The following SPG7 variants were observed in gnomAD, a reference collection of about 807,000 sequenced individuals.
SPG7 encodes the protein mitochondrial inner membrane m-AAA protease component paraplegin.
Under a neutral mutation model 81.9 loss-of-function variants are expected in SPG7, and 103 were observed. The ratio of observed to expected loss-of-function variants is 1.26; its 90% confidence interval spans 1.07 to 1.48. The LOEUF is 1.48. Among genes scored for constraint, SPG7 ranks in the 40% most tolerant of loss-of-function variants. The pLI is 0.00. For missense variants in SPG7, 1,241 were observed against 1,087.3 expected, an observed-to-expected ratio of 1.14 and a Z score of -1.99; for synonymous variants, 534 against 444.2, an observed-to-expected ratio of 1.20 and a Z score of -2.54.
Position 89,513,019 on chromosome 16 carries a change from G to T in SPG7, c.358G>T (p.Ala120Ser), listed in dbSNP as rs371969398. Residue 120 changes from alanine to serine, a missense_variant, in exon 3 of 17, where the codon GCG becomes TCG. Coordinates refer to ENST00000645818, the MANE Select transcript of SPG7 (RefSeq NM_003119.4). The part of the protein sequence containing the change: ...NKEKDKSKGK[A>S]PEEDEEERRR... ...GGAGAAGGATAAGTCGAAGGGGAAG[G>T]CGCCTGAAGAGGACGAAGGTATATT... The T allele has an allele frequency of 3.7e-6, 6 of 1,612,252 alleles. No homozygotes were observed. Among genetic ancestry groups the T allele is most frequent in the Non-Finnish European group, 8.5e-7 (1 of 1,178,924 alleles).
intron 7 of SPG7, 160 bp from the exon 8 acceptor site, chr16:89,531,744 G>C (rs540999467): frequency 1.3e-5 from 9 of 709,500 alleles, no homozygotes; most frequent in Admixed American, 8.5e-5. Flanking sequence ...TCGAGAGGCT[G>C]AGGTGAGAGG....
intron 5 of SPG7, 148 bp from the exon 6 acceptor site, chr16:89,529,329 A>G (rs2058309771): frequency 1.5e-6 from 1 of 684,522 alleles, no homozygotes; most frequent in South Asian, 1.6e-5. Context: ...ACCCATTTCC[A>G]CAACCATTTT....
At position 89,550,549 on chromosome 16, in the gene SPG7, T is replaced by C; in HGVS notation, c.1719T>C (p.Phe573=). The C allele has an allele frequency of 6.2e-7, 1 of 1,614,100 alleles. No individual in the cohort carries two copies. Residue 573 remains phenylalanine (F), a synonymous_variant, in exon 13 of 17, where the codon TTT becomes TTC. Coordinates refer to ENST00000645818, the MANE Select transcript of SPG7 (RefSeq NM_003119.4). ...LSKEEQKVVA[F]HESGHALVGW... Reference sequence around the variant, plus strand: ...AGGAAGAACAGAAAGTGGTTGCGTTTCATGAGTCGGGCCACGCCTTGGTGG... The same window carrying C: ...AGGAAGAACAGAAAGTGGTTGCGTTCCATGAGTCGGGCCACGCCTTGGTGG...
At chr16:89,546,905 C>T (rs2058571625) in intron 11 of SPG7, 145 bp downstream of exon 11, 2 of 687,568 alleles carry the variant, frequency 2.9e-6, no homozygotes, top group Admixed American at 2.0e-5. Context: ...TGGGAGGGAG[C>T]TGATGTGTAT....
chr16:89,547,492 C>T lies in SPG7; in HGVS notation c.1553-511C>T, dbSNP rs892275131. 3.7e-5 allele frequency: 7 copies of T among 190,278 alleles called. No homozygotes were observed. The East Asian group carries it at 4.4e-4, about 12-fold the overall frequency. The allele number at this position is 190,278 out of a possible 1,614,324, so 11.8% of individuals were successfully genotyped here. A position where few individuals can be genotyped will look rare whatever the true frequency, so the allele number is the denominator to read the frequency against. On this transcript the variant is annotated intron_variant, in intron 11 of 16. Coordinates refer to ENST00000645818, the MANE Select transcript of SPG7 (RefSeq NM_003119.4). Reference sequence around the variant, plus strand: ...CTCTCCCCACCCCTGCTCCTGGCGCCGGCGCCTGCCGCTCTCCCCAGCTCT... The same window carrying T: ...CTCTCCCCACCCCTGCTCCTGGCGCTGGCGCCTGCCGCTCTCCCCAGCTCT...
Position 89,531,951 on chromosome 16 carries a change from A to G in SPG7, c.1035A>G (p.Ala345=). 1 of 1,614,108 alleles carries G rather than the reference A, an allele frequency of 6.2e-7. No homozygotes were observed. The highest frequency in any genetic ancestry group is 8.5e-7 in the Non-Finnish European group (1 of 1,179,968). The change falls in exon 8 of 17, where the codon GCA becomes GCG. Residue 345 remains alanine, a synonymous_variant. Transcript: ENST00000645818. The part of the protein sequence containing the change: ...LQLGAKVPKG[A]LLLGPPGCGK... ...TTGGCGCCAAGGTCCCAAAGGGCGC[A>G]CTGCTGCTCGGCCCCCCCGGCTGTG...
chr16:89,526,667 G>A, intron 5 of SPG7, 199 bp downstream of exon 5: 1 of 588,598 alleles, frequency 1.7e-6, no homozygotes, highest in Non-Finnish European at 3.0e-6. Context: ...GGTATCCATG[G>A]GGGCTGGTTC....
In SPG7 at chr16:89,530,649, G is replaced by A. The variant is rs4785690; in HGVS notation, c.862-34G>A. ...ATCGTGCTGCTGATTTCCTGACTTCGCCCAGCTCCTTGCACTTTGTTCTTT... is the reference window on the plus strand; with the variant it reads ...ATCGTGCTGCTGATTTCCTGACTTCACCCAGCTCCTTGCACTTTGTTCTTT... On this transcript the variant is annotated intron_variant, in intron 6 of 16. Transcript: ENST00000645818. 8.7e-6 allele frequency: 14 copies of A among 1,613,484 alleles called. 1 individual carries two copies. The highest frequency in any genetic ancestry group is 1.7e-4 in the Middle Eastern group (1 of 6,048).
At chr16:89,546,627 C>T (rs773171078) in intron 10 of SPG7, 31 bp from the exon 11 acceptor site, 2 of 1,513,790 alleles carry the variant, frequency 1.3e-6, no homozygotes, top group Non-Finnish European at 1.8e-6. Flanking sequence ...AGGCTTGAGC[C>T]CGACTGTCTT....
chr16:89,556,852 G>A (rs762762272), intron 16 of SPG7, 35 bp from the exon 17 acceptor site: 3 of 1,516,752 alleles, frequency 2.0e-6, no homozygotes, highest in Non-Finnish European at 2.7e-6. Flanking sequence ...TGTCTGCCCT[G>A]GGGACTCACA....
rs1410599787 is a variant in SPG7, at chr16:89,536,655, C to T, written c.1324+4019C>T. The stretch of plus-strand genomic sequence containing the variant: ...GGTGAGGCGGGCGAGGTGGGCGAGG[C>T]AGGCGAGGCGGGTGAGATCGGGCGA... On this transcript the variant is annotated intron_variant, in intron 9 of 16. Coordinates refer to ENST00000645818, the MANE Select transcript of SPG7 (RefSeq NM_003119.4). 35 of 1,325,378 alleles carry T rather than the reference C, an allele frequency of 2.6e-5. 2 individuals are homozygous for T. The highest frequency in any genetic ancestry group is 1.7e-4 in the African/African-American group (11 of 63,932). 82.1% of individuals were successfully genotyped at this position (1,325,378 alleles called of 1,614,324 possible).
intron 3 of SPG7, chr16:89,518,168 C>G (rs1004412589): frequency 1.3e-5 from 2 of 152,222 alleles, no homozygotes; most frequent in Admixed American, 6.5e-5. Context: ...CAGGCCTTCT[C>G]CCTGGTCTGA....
rs776505285 is a variant in SPG7, at chr16:89,510,570, A to C, written c.264A>C (p.Pro88=). 7.4e-6 allele frequency: 12 copies of C among 1,611,962 alleles called. No individual in the cohort carries two copies. The highest frequency in any genetic ancestry group is 1.0e-5 in the Non-Finnish European group (12 of 1,178,484). The change falls in exon 2 of 17, where the codon CCA becomes CCC. Residue 88 remains proline (P), a synonymous_variant. Transcript: ENST00000645818. ...TGAAACAACATTTAGTTCAGAATCC[A>C]GTCAGACTCTGGCAACTTTTAGGTA... ...LLLKQHLVQN[P]VRLWQLLGGT... is the part of the protein sequence containing the mutation.
intron 9 of SPG7, among the ~76,000 whole-genome samples, chr16:89,534,822 C>T (rs1280150629): frequency 6.6e-6 from 1 of 152,204 alleles, no homozygotes; most frequent in African/African-American, 2.4e-5. Context: ...CCGTGACTGC[C>T]CCCCAGACCC....
chr16:89,524,881 G>A lies in SPG7; in HGVS notation c.618+634G>A, dbSNP rs571712396. ...CCCACCCCCGGGTCTGGAAATGACCGTGGCCTCCACCAGAGCTTCTGCCCC... is the reference window on the plus strand; with the variant it reads ...CCCACCCCCGGGTCTGGAAATGACCATGGCCTCCACCAGAGCTTCTGCCCC... On this transcript the variant is annotated intron_variant, in intron 4 of 16. Coordinates refer to ENST00000645818, the MANE Select transcript of SPG7 (RefSeq NM_003119.4). 9.9e-5 allele frequency among the ~76,000 whole-genome samples: 15 copies of A among 152,160 alleles called. No individual in the cohort carries two copies. The East Asian group carries it at 2.5e-3, about 25-fold the overall frequency.
rs1342799555 is a variant in SPG7 at position 89,508,618 on chromosome 16, C to G, written c.183+18C>G. 1 of 1,439,618 alleles carries G rather than the reference C, an allele frequency of 6.9e-7. No homozygotes were observed. The highest frequency in any genetic ancestry group is 2.7e-5 in the East Asian group (1 of 36,520). The allele number at this position is 1,439,618 out of a possible 1,614,324, so 89.2% of individuals were successfully genotyped here. On this transcript the variant is annotated intron_variant, in intron 1 of 16. Transcript: ENST00000645818. ...CTCTGCAGGTAAATCCCCGCGGAGT[C>G]CGGGCCCCACCTCCCGCCCGGCTCT...
chr16:89,520,830 C>CCATTG (rs1310501488), intron 3 of SPG7: 3 of 152,174 alleles, frequency 2.0e-5, no homozygotes, highest in Non-Finnish European at 4.4e-5. Context: ...CAGGTGTGAG[C>CCATTG]CATTGCGTCC....
intron 16 of SPG7, chr16:89,555,050 C>T (rs534607019): frequency 1.2e-5 from 2 of 171,840 alleles, no homozygotes; most frequent in South Asian, 1.2e-4. Flanking sequence ...CGAGTAGCTG[C>T]GACTGCAGGC....
intron 7 of SPG7, chr16:89,531,492 G>A: frequency 4.3e-6 from 1 of 234,068 alleles, no homozygotes; most frequent in South Asian, 5.2e-5. Flanking sequence ...TCCTGCCTCA[G>A]CCTCCCGAGT....
Sources: gnomAD v4.1 joint callset for allele counts (sites outside exome capture counted in the v4.1 genomes callset) on GRCh38, gnomAD v4.1.1 for gene constraint, MANE v1.5 for transcripts, NCBI Gene and HGNC (gene_info 2026-07-23, HGNC 2026-07-21) for gene names.